The following SLC25A48 variants were observed in gnomAD, a reference collection of about 807,000 sequenced individuals.
SLC25A48 encodes the protein solute carrier family 25 member 48.
A neutral mutation model predicts 32.2 loss-of-function variants in SLC25A48; 29 were observed. That is an observed-to-expected ratio of 0.90 (90% CI 0.67 to 1.23). SLC25A48 has a LOEUF of 1.23. SLC25A48 is among the 50% of genes most tolerant of loss of function. The pLI is 0.00. For synonymous variants in SLC25A48, 164 were observed against 172.3 expected (o/e 0.95, Z 0.38); for missense variants, 399 against 422.7 (o/e 0.94, Z 0.49).
chr5:135,626,209 G>A (rs1752437378), intron 1 of SLC25A48, among the ~76,000 whole-genome samples: 1 of 152,256 alleles, frequency 6.6e-6, no homozygotes. Flanking sequence ...TTTGGACAAG[G>A]TGGGTGGCAA....
chr5:135,762,340 G>T (rs1438829158), intron 3 of SLC25A48, among the ~76,000 whole-genome samples: 2 of 152,152 alleles, frequency 1.3e-5, no homozygotes, highest in Admixed American at 6.6e-5. Flanking sequence ...GGTGGTGTTT[G>T]CAGAGGCACA....
intron 4 of SLC25A48, among the ~76,000 whole-genome samples, chr5:135,853,262 T>C (rs902861916): frequency 1.3e-5 from 2 of 152,176 alleles, no homozygotes; most frequent in Non-Finnish European, 2.9e-5. Flanking sequence ...TTGCTGAAGG[T>C]TGGGTGGGCT....
In SLC25A48 at chr5:135,783,874, C is replaced by T. The variant is rs1415530883; in HGVS notation, c.-520-28649C>T. ...CGAACACTTTCCCTGTAATATTCTT[C>T]TTGGTATTCAGGTGGGGAGAAAATG... On this transcript the variant is annotated intron_variant, in intron 3 of 10. Transcript: ENST00000646290. Among the ~76,000 whole-genome samples, 2 of 118,350 alleles carry T rather than the reference C, an allele frequency of 1.7e-5. 1 individual carries two copies. The highest frequency in any genetic ancestry group is 4.2e-5 in the Non-Finnish European group (2 of 47,892). 77.6% of individuals were successfully genotyped at this position (118,350 alleles called of 152,430 possible). A position where few individuals can be genotyped will look rare whatever the true frequency, so the allele number is the denominator to read the frequency against.
intron 3 of SLC25A48, among the ~76,000 whole-genome samples, chr5:135,755,283 T>G (rs1755869075): frequency 6.6e-6 from 1 of 152,124 alleles, no homozygotes; most frequent in Non-Finnish European, 1.5e-5. Context: ...TGTTTACACC[T>G]TGTGATATTA....
chr5:135,835,059 C>T (rs887498035), intron 1 of SLC25A48, 166 bp downstream of exon 1: 1 of 831,008 alleles, frequency 1.2e-6, no homozygotes, highest in Non-Finnish European at 2.0e-6. Flanking sequence ...GGTGGTCTTG[C>T]AGTTGCCAGG....
intron 3 of SLC25A48, among the ~76,000 whole-genome samples, chr5:135,793,099 A>C (rs1329170259): frequency 1.3e-5 from 2 of 151,414 alleles, no homozygotes; most frequent in African/African-American, 4.9e-5. Context: ...TAGTCTCCTA[A>C]TATCACAGTA....
intron 7 of SLC25A48, among the ~76,000 whole-genome samples, chr5:135,884,908 GCA>G (rs1762662358): frequency 6.6e-6 from 1 of 152,004 alleles, no homozygotes; most frequent in South Asian, 2.1e-4. Context: ...AATCATCATG[GCA>G]CCTCTTGATG....
At chr5:135,608,451 A>G (rs772677711) in intron 1 of SLC25A48, among the ~76,000 whole-genome samples, 115 of 152,310 alleles carry the variant, frequency 7.6e-4, no homozygotes, top group Non-Finnish European at 1.4e-3. Context: ...TTTTCTCTCC[A>G]TGAGCAATGA....
At chr5:135,848,384 C>T (rs1383399919) in intron 2 of SLC25A48, among the ~76,000 whole-genome samples, 1 of 152,158 alleles carries the variant, frequency 6.6e-6, no homozygotes, top group Non-Finnish European at 1.5e-5. Context: ...CCCTCCACCA[C>T]CTGGCCCAAG....
At chr5:135,591,042 C>T (rs533678352) in intron 1 of SLC25A48, among the ~76,000 whole-genome samples, 1 of 152,362 alleles carries the variant, frequency 6.6e-6, no homozygotes, top group African/African-American at 2.4e-5. Flanking sequence ...GCCTGGCACT[C>T]AGGTAGGAGC....
intron 1 of SLC25A48, among the ~76,000 whole-genome samples, chr5:135,603,984 A>G (rs919511691): frequency 2.0e-5 from 3 of 152,218 alleles, no homozygotes; most frequent in African/African-American, 7.2e-5. Context: ...GACGGTGTGG[A>G]AAATGAAGAA....
intron 1 of SLC25A48, among the ~76,000 whole-genome samples, chr5:135,589,244 G>T (rs1751449780): frequency 3.3e-5 from 5 of 152,252 alleles, no homozygotes; most frequent in Admixed American, 3.3e-4. Context: ...CCAGCTAAAT[G>T]ATTTTAAATT....
At chr5:135,834,341 A>C (rs578246232), upstream of SLC25A48, among the ~76,000 whole-genome samples, 1 of 152,278 alleles carries the variant, frequency 6.6e-6, no homozygotes, top group East Asian at 1.9e-4. Context: ...GGCTGAGATG[A>C]ACAAAAAGGC....
rs1471376436 is a variant in SLC25A48 at position 135,888,381 on chromosome 5, G to A, written c.*357G>A. 4 of 308,434 alleles carry A rather than the reference G, an allele frequency of 1.3e-5. No individual in the cohort carries two copies. Among genetic ancestry groups the A allele is most frequent in the Admixed American group, 4.2e-5 (1 of 23,980 alleles). 19.1% of individuals were successfully genotyped at this position (308,434 alleles called of 1,614,324 possible). On this transcript the variant is annotated 3_prime_UTR_variant, in exon 8 of 8. Coordinates refer to ENST00000681962, the MANE Select transcript of SLC25A48 (RefSeq NM_001349336.2). ...CTCCTCTGTCTGAGGATGGGGAGGG[G>A]CCAGTGAGCTCTGGGCTCAGCCACT...
chr5:135,865,491 C>T (rs1761119345), intron 4 of SLC25A48, among the ~76,000 whole-genome samples: 1 of 152,158 alleles, frequency 6.6e-6, no homozygotes. Context: ...TTTGGAATTT[C>T]CTTTAATATC....
At chr5:135,710,942 T>A (rs1218660419) in intron 3 of SLC25A48, among the ~76,000 whole-genome samples, 1 of 152,224 alleles carries the variant, frequency 6.6e-6, no homozygotes, top group Non-Finnish European at 1.5e-5. Context: ...GTGGATTTTT[T>A]AAACCAAATT....
intron 4 of SLC25A48, among the ~76,000 whole-genome samples, chr5:135,862,883 G>A (rs905113207): frequency 1.3e-5 from 2 of 152,128 alleles, no homozygotes; most frequent in African/African-American, 4.8e-5. Context: ...GGATTTCTTC[G>A]CTGAGGATAG....
chr5:135,614,065 ATTCATGAGCC>A (rs1463228206), intron 1 of SLC25A48, among the ~76,000 whole-genome samples: 108 of 152,216 alleles, frequency 7.1e-4, no homozygotes, highest in African/African-American at 2.6e-3. Context: ...AATTCTTCTA[ATTCATGAGCC>A]TGGGATGTCT....
At chr5:135,634,501 C>T (rs1049644025) in intron 2 of SLC25A48, among the ~76,000 whole-genome samples, 1 of 152,196 alleles carries the variant, frequency 6.6e-6, no homozygotes, top group African/African-American at 2.4e-5. Flanking sequence ...AGGCTTGGGC[C>T]CTACCTTCCA....
Sources: gnomAD v4.1 joint callset for allele counts (sites outside exome capture counted in the v4.1 genomes callset) on GRCh38, gnomAD v4.1.1 for gene constraint, MANE v1.5 for transcripts, NCBI Gene and HGNC (gene_info 2026-07-23, HGNC 2026-07-21) for gene names.